Variants in MAPK4 observed in about 807,000 individuals in gnomAD.
The protein encoded by MAPK4 is Erk3-related.
MAPK4 carries 22 observed loss-of-function variants against 47.7 expected under a neutral mutation model. The observed-to-expected ratio is 0.46, with a 90% CI of 0.33 to 0.66. The LOEUF is 0.66. Among genes scored for constraint, MAPK4 ranks in the 30% least tolerant of loss-of-function variants. The pLI, the probability that MAPK4 is intolerant of heterozygous loss-of-function variation, is 0.02. For missense variants in MAPK4, 736 were observed against 831.7 expected, an observed-to-expected ratio of 0.88 and a Z score of 1.42; for synonymous variants, 390 against 365.7, an observed-to-expected ratio of 1.07 and a Z score of -0.76.
intron 3 of MAPK4, among the ~76,000 whole-genome samples, chr18:50,716,268 C>G (rs1335177597): frequency 6.6e-6 from 1 of 152,164 alleles, no homozygotes; most frequent in Non-Finnish European, 1.5e-5. Context: ...ATCCAGGGAA[C>G]CCATTTCAGC....
intron 1 of MAPK4, among the ~76,000 whole-genome samples, chr18:50,571,757 G>A (rs577798398): frequency 6.6e-6 from 1 of 152,284 alleles, no homozygotes; most frequent in South Asian, 2.1e-4. Context: ...ATAATATGCT[G>A]CCTTTTCAAT....
At chr18:50,667,217 C>T (rs1295134427) in intron 2 of MAPK4, among the ~76,000 whole-genome samples, 1 of 152,214 alleles carries the variant, frequency 6.6e-6, no homozygotes. Context: ...TGTACTCTCC[C>T]AAGCTGAGAG....
At chr18:50,700,503 G>A (rs954880490) in intron 2 of MAPK4, among the ~76,000 whole-genome samples, 2 of 152,174 alleles carry the variant, frequency 1.3e-5, no homozygotes, top group South Asian at 2.1e-4. Flanking sequence ...CACTGGCAGC[G>A]CTGTGTGATT....
At chr18:50,644,082 C>T (rs1220289056) in intron 1 of MAPK4, among the ~76,000 whole-genome samples, 4 of 152,106 alleles carry the variant, frequency 2.6e-5, no homozygotes, top group African/African-American at 9.7e-5. Context: ...CTCTTTGCAG[C>T]TGCTTTCCAG....
At chr18:50,608,659 G>C (rs1057452774) in intron 1 of MAPK4, among the ~76,000 whole-genome samples, 1 of 151,972 alleles carries the variant, frequency 6.6e-6, no homozygotes, top group Non-Finnish European at 1.5e-5. Context: ...CATTTTGCAT[G>C]CTGTATTATG....
rs186196166 is a variant in MAPK4, at chr18:50,569,639, C to T, written c.-871+9396C>T. Among the ~76,000 whole-genome samples the T allele has an allele frequency of 1.6e-3, 237 of 152,284 alleles. 1 individual carries two copies. The highest frequency in any genetic ancestry group is 5.2e-4 in the Admixed American group (8 of 15,298). On this transcript the variant is annotated intron_variant, in intron 1 of 5. Coordinates refer to ENST00000400384, the MANE Select transcript of MAPK4 (RefSeq NM_002747.4). ...AAGCCCCTTCCTCATCCTTGTTTTCCGCTTATCACTAAAGATAGAAACTAA... is the reference window on the plus strand; with the variant it reads ...AAGCCCCTTCCTCATCCTTGTTTTCTGCTTATCACTAAAGATAGAAACTAA...
At chr18:50,666,684 G>T (rs542471920) in intron 2 of MAPK4, among the ~76,000 whole-genome samples, 4 of 152,058 alleles carry the variant, frequency 2.6e-5, no homozygotes, top group Non-Finnish European at 5.9e-5. Flanking sequence ...AATAAAATTC[G>T]CTGTGGGAGG....
At chr18:50,651,566 T>A (rs1196348420) in intron 1 of MAPK4, among the ~76,000 whole-genome samples, 1 of 152,204 alleles carries the variant, frequency 6.6e-6, no homozygotes, top group Non-Finnish European at 1.5e-5. Flanking sequence ...TACCATGTGA[T>A]CTCTGTGGCA....
At chr18:50,700,980 C>A (rs1413629726) in intron 2 of MAPK4, among the ~76,000 whole-genome samples, 2 of 152,128 alleles carry the variant, frequency 1.3e-5, no homozygotes, top group Non-Finnish European at 2.9e-5. Context: ...CACACCAGCT[C>A]CCCCTGCAGC....
At chr18:50,705,480 A>G (rs1244639914) in intron 2 of MAPK4, 1 of 152,246 alleles carries the variant, frequency 6.6e-6, no homozygotes, top group African/African-American at 2.4e-5. Context: ...ATGAAAAATA[A>G]ATACCTTCAA....
rs539305959 is a variant in MAPK4, at chr18:50,664,959, A to T, written c.546+455A>T. 6.6e-6 allele frequency among the ~76,000 whole-genome samples: 1 copy of T among 152,250 alleles called. No homozygotes were observed. Among genetic ancestry groups the T allele is most frequent in the African/African-American group, 2.4e-5 (1 of 41,546 alleles). Reference sequence around the variant, plus strand: ...CACCTCCCTCATCCCATCCAAGCTGACCCATTCGGTGTCCATTTCTCTCAG... The same window carrying T: ...CACCTCCCTCATCCCATCCAAGCTGTCCCATTCGGTGTCCATTTCTCTCAG... On this transcript the variant is annotated intron_variant, in intron 2 of 5. Coordinates refer to ENST00000400384, the MANE Select transcript of MAPK4 (RefSeq NM_002747.4). This position sits in a 1 kb window ranked among gnomAD's most constrained non-coding sequence, Gnocchi z 6.0.
intron 1 of MAPK4, among the ~76,000 whole-genome samples, chr18:50,586,567 T>A (rs985254794): frequency 6.6e-6 from 1 of 151,688 alleles, no homozygotes; most frequent in African/African-American, 2.4e-5. Flanking sequence ...GGCCTCAGAG[T>A]CCTCATCTGC....
chr18:50,669,935 G>A (rs1054868315), intron 2 of MAPK4: 1 of 151,992 alleles, frequency 6.6e-6, no homozygotes, highest in African/African-American at 2.4e-5. Context: ...CAAGGCAGAT[G>A]GATCACAAGG....
intron 2 of MAPK4, among the ~76,000 whole-genome samples, chr18:50,702,847 G>A (rs16952426): frequency 0.02 from 2,973 of 152,196 alleles, 92 homozygotes; most frequent in African/African-American, 0.065. Context: ...AAACAGGGCC[G>A]GACCTACTGG....
At chr18:50,688,848 T>C (rs1194468949) in intron 2 of MAPK4, among the ~76,000 whole-genome samples, 1 of 123,694 alleles carries the variant, frequency 8.1e-6, no homozygotes, top group African/African-American at 3.2e-5. Context: ...AACTTACTCA[T>C]ATAACCAAAT....
rs143571779 is a variant in MAPK4 at position 50,684,283 on chromosome 18, A to G, written c.546+19779A>G. Among the ~76,000 whole-genome samples the G allele has an allele frequency of 2.7e-3, 409 of 152,308 alleles. 12 individuals are homozygous for G. The East Asian group carries it at 0.035, about 13-fold the overall frequency. ...GCTTTGACCAGGCGTGATGACTCAC[A>G]TCTATAATCCTAGTGCTTTGGGACG... On this transcript the variant is annotated intron_variant, in intron 2 of 5. Coordinates refer to ENST00000400384, the MANE Select transcript of MAPK4 (RefSeq NM_002747.4).
intron 1 of MAPK4, among the ~76,000 whole-genome samples, chr18:50,564,895 T>C (rs1300438134): frequency 6.6e-6 from 1 of 152,144 alleles, no homozygotes; most frequent in East Asian, 1.9e-4. Context: ...CTTATGTAAT[T>C]TGATGGACCC....
chr18:50,712,155 A>G (rs1568092685), intron 2 of MAPK4, among the ~76,000 whole-genome samples: 1 of 152,236 alleles, frequency 6.6e-6, no homozygotes, highest in African/African-American at 2.4e-5. Context: ...TGTCGGGCAC[A>G]GTGGCTCATG....
chr18:50,729,192 C>A lies in MAPK4; in HGVS notation c.1102C>A (p.Arg368=), dbSNP rs774005634. ...PVSLSSDLEW[R]PDRCQDASEV... ...GAGCCTGTCGTCGGACCTGGAGTGG[C>A]GGCCTGACCGGTGCCAGGACGCCAG... The change falls in exon 6 of 6, where the codon CGG becomes AGG. Residue 368 remains arginine (R), a synonymous_variant. Coordinates refer to ENST00000400384, the MANE Select transcript of MAPK4 (RefSeq NM_002747.4). 6.3e-7 allele frequency: 1 copy of A among 1,590,660 alleles called. No individual in the cohort carries two copies. Among genetic ancestry groups the A allele is most frequent in the Admixed American group, 1.7e-5 (1 of 59,312 alleles).
Sources: gnomAD v4.1 joint callset for allele counts (sites outside exome capture counted in the v4.1 genomes callset) on GRCh38, gnomAD v4.1.1 for gene constraint, Gnocchi (gnomAD v3.1) non-coding constraint, MANE v1.5 for transcripts, NCBI Gene and HGNC (gene_info 2026-07-23, HGNC 2026-07-21) for gene names.